RPS6KA2: variants seen among roughly 807,000 people sequenced by gnomAD.
RPS6KA2 encodes ribosomal protein S6 kinase alpha-2.
A neutral mutation model predicts 91.8 loss-of-function variants in RPS6KA2; 42 were observed. The ratio of observed to expected loss-of-function variants is 0.46; its 90% CI spans 0.36 to 0.59. The LOEUF is 0.59. RPS6KA2 is among the 20% of genes least tolerant of loss of function. The probability of loss-of-function intolerance (pLI) is 0.00; values close to 1 mark genes in which losing one functional copy is unlikely to be tolerated. For missense variants in RPS6KA2, 798 were observed against 978.5 expected (o/e 0.82, Z 2.46); for synonymous variants, 414 against 393.6 (o/e 1.05, Z -0.61).
intron 2 of RPS6KA2, among the ~76,000 whole-genome samples, chr6:166,645,204 G>A (rs1787569615): frequency 1.3e-5 from 2 of 152,166 alleles, no homozygotes; most frequent in Admixed American, 1.3e-4. Flanking sequence ...ATAAAGACTT[G>A]AAAATGTAAC....
At chr6:166,654,975 G>A (rs1408553389) in intron 2 of RPS6KA2, among the ~76,000 whole-genome samples, 3 of 152,004 alleles carry the variant, frequency 2.0e-5, no homozygotes, top group Non-Finnish European at 4.4e-5. Flanking sequence ...AAAATATCAG[G>A]TGTCCATTTT....
intron 5 of RPS6KA2, among the ~76,000 whole-genome samples, chr6:166,504,822 G>C (rs530977397): frequency 6.6e-6 from 1 of 152,242 alleles, no homozygotes; most frequent in Admixed American, 6.5e-5. Flanking sequence ...ATGGAGACGA[G>C]GGCTTCCTGC....
At chr6:166,599,786 T>C (rs1785663662) in intron 1 of RPS6KA2, among the ~76,000 whole-genome samples, 1 of 152,220 alleles carries the variant, frequency 6.6e-6, no homozygotes, top group Non-Finnish European at 1.5e-5. Context: ...TGTTAAGTGC[T>C]GGGAGAAACG....
At chr6:166,472,541 G>T (rs1780810634) in intron 10 of RPS6KA2, among the ~76,000 whole-genome samples, 1 of 152,082 alleles carries the variant, frequency 6.6e-6, no homozygotes, top group Admixed American at 6.5e-5. Context: ...AAAATTACAG[G>T]GGTTCCAATT....
rs888685155 is a variant in RPS6KA2 at position 166,533,045 on chromosome 6, C to T, written c.217-1732G>A. 6.6e-6 allele frequency among the ~76,000 whole-genome samples: 1 copy of T among 152,202 alleles called. No individual in the cohort carries two copies. Among genetic ancestry groups the T allele is most frequent in the Non-Finnish European group, 1.5e-5 (1 of 68,032 alleles). ...AGTTACTGCACATGGAAGGACTCTG[C>T]CTCAGGGTGTTCCCTCTGTGCAGTG... On this transcript the variant is annotated intron_variant, in intron 2 of 20. Transcript: ENST00000265678. This position sits in a 1 kb window ranked among gnomAD's most constrained non-coding sequence, Gnocchi z 4.0.
chr6:166,857,158 C>T (rs1027859714), intron 2 of RPS6KA2, among the ~76,000 whole-genome samples: 5 of 152,202 alleles, frequency 3.3e-5, no homozygotes, highest in African/African-American at 4.8e-5. Flanking sequence ...GGTAGTGAAA[C>T]GTAGCGTTCA....
At chr6:166,816,000 A>G (rs1444294216) in intron 2 of RPS6KA2, among the ~76,000 whole-genome samples, 1 of 152,250 alleles carries the variant, frequency 6.6e-6, no homozygotes, top group African/African-American at 2.4e-5. Context: ...CCTCTTCTGA[A>G]GATGACAAAA....
chr6:166,747,992 G>A (rs1276129369), intron 2 of RPS6KA2, among the ~76,000 whole-genome samples: 1 of 152,168 alleles, frequency 6.6e-6, no homozygotes, highest in Non-Finnish European at 1.5e-5. Flanking sequence ...AGTTGCCCAT[G>A]CCAGTGAATG....
chr6:166,830,668 C>T (rs1398669675), intron 2 of RPS6KA2, among the ~76,000 whole-genome samples: 1 of 152,132 alleles, frequency 6.6e-6, no homozygotes, highest in Non-Finnish European at 1.5e-5. Context: ...TCTGCCTTAG[C>T]GTGTGAGCCC....
intron 2 of RPS6KA2, among the ~76,000 whole-genome samples, chr6:166,830,138 A>AAGAAAGAAAGAAAG (rs202007852): frequency 7.7e-6 from 1 of 129,042 alleles, no homozygotes; most frequent in East Asian, 2.1e-4. Context: ...AAAAAAAAAA[A>AAGAAAGAAAGAAAG]AAAGAAAGAA....
chr6:166,720,511 A>G (rs1256955504), intron 2 of RPS6KA2, among the ~76,000 whole-genome samples: 2 of 152,252 alleles, frequency 1.3e-5, no homozygotes, highest in Non-Finnish European at 2.9e-5. Context: ...CGGAGCTGTC[A>G]GTCACCACCT....
At chr6:166,583,698 C>T (rs1337915738) in intron 1 of RPS6KA2, among the ~76,000 whole-genome samples, 3 of 152,338 alleles carry the variant, frequency 2.0e-5, no homozygotes, top group African/African-American at 4.8e-5. Flanking sequence ...ACAAGACTCA[C>T]AAGACTGTGG....
chr6:166,414,179 A>AAGTT (rs1778418883), intron 19 of RPS6KA2, among the ~76,000 whole-genome samples: 1 of 152,242 alleles, frequency 6.6e-6, no homozygotes, highest in Admixed American at 6.5e-5. Context: ...CATGTCTAAA[A>AAGTT]AGTTAAATGT....
chr6:166,810,897 C>A (rs775998144), intron 2 of RPS6KA2, among the ~76,000 whole-genome samples: 36 of 152,330 alleles, frequency 2.4e-4, no homozygotes, highest in Non-Finnish European at 4.3e-4. Flanking sequence ...TGTCTCCACA[C>A]AAGATCACAA....
At chr6:166,671,210 GA>G (rs1788462972) in intron 2 of RPS6KA2, among the ~76,000 whole-genome samples, 1 of 152,156 alleles carries the variant, frequency 6.6e-6, no homozygotes, top group Non-Finnish European at 1.5e-5. Context: ...GATACTTCTG[GA>G]AAAGTTGAAG....
Position 166,448,705 on chromosome 6 carries a change from C to T in RPS6KA2, c.1332+19G>A, listed in dbSNP as rs769777951. 3 of 1,601,238 alleles carry T rather than the reference C, an allele frequency of 1.9e-6. No individual in the cohort carries two copies. The highest frequency in any genetic ancestry group is 1.3e-5 in the African/African-American group (1 of 74,740). ...CTGCACTCACACAGGGCCCTGCTCA[C>T]TCAGCAGGCCTGCCTTACCTTCACG... On this transcript the variant is annotated intron_variant, in intron 14 of 20. Transcript: ENST00000265678. This position sits in a 1 kb window ranked among gnomAD's most constrained non-coding sequence, Gnocchi z 4.7.
Position 166,450,626 on chromosome 6 carries a change from ACAGGGACCACCC to A in RPS6KA2, c.1206+465_1206+476del, listed in dbSNP as rs1342726450. Among the ~76,000 whole-genome samples the A allele has an allele frequency of 6.2e-5, 9 of 146,146 alleles. No individual in the cohort carries two copies. In the South Asian group the frequency reaches 9.0e-4, roughly 15 times the overall value. ...TGGGGAATATCCATGGGAGACCACC[ACAGGGACCACCC>A]CAGGGACCACCCTGGGAGACCACCA... On this transcript the variant is annotated intron_variant, in intron 13 of 20. Coordinates refer to ENST00000265678, the MANE Select transcript of RPS6KA2 (RefSeq NM_021135.6).
rs377142367 is a variant in RPS6KA2, at chr6:166,650,637, G to T, written c.124-111853C>A. On this transcript the variant is annotated intron_variant, in intron 2 of 21. Transcript: ENST00000503859. ...GCCAGCCAGCGGCATCCATATTTTTGCAGTGTTGTATGTGAGGGTGAACTG... is the reference window on the plus strand; with the variant it reads ...GCCAGCCAGCGGCATCCATATTTTTTCAGTGTTGTATGTGAGGGTGAACTG... Among the ~76,000 whole-genome samples, 35 of 152,304 alleles carry T rather than the reference G, an allele frequency of 2.3e-4. No individual in the cohort carries two copies. The South Asian group carries it at 4.1e-3, about 18-fold the overall frequency.
intron 1 of RPS6KA2, among the ~76,000 whole-genome samples, chr6:166,621,299 C>T (rs532473081): frequency 1.3e-5 from 2 of 152,348 alleles, no homozygotes; most frequent in South Asian, 2.1e-4. Context: ...TTGTCCTCCA[C>T]GCCCTGATAT....
Sources: gnomAD v4.1 joint callset for allele counts (sites outside exome capture counted in the v4.1 genomes callset) on GRCh38, gnomAD v4.1.1 for gene constraint, Gnocchi (gnomAD v3.1) non-coding constraint, MANE v1.5 for transcripts, NCBI Gene and HGNC (gene_info 2026-07-23, HGNC 2026-07-21) for gene names.